HTR4: variants seen among roughly 807,000 people sequenced by gnomAD.
HTR4 encodes 5-hydroxytryptamine (serotonin) receptor 4, G protein-coupled.
In HTR4, 16 loss-of-function variants were observed where a neutral mutation model predicts 36.8. That is an observed-to-expected ratio of 0.43 (90% CI 0.29 to 0.66). HTR4 has a LOEUF of 0.66. Ranked by LOEUF, HTR4 falls within the 30% of genes least tolerant of loss-of-function variation. The probability of loss-of-function intolerance (pLI) is 0.13; values close to 1 mark genes in which losing one functional copy is unlikely to be tolerated. For missense variants in HTR4, 438 were observed against 490.9 expected (o/e 0.89, Z 1.02); for synonymous variants, 189 against 185.1 (o/e 1.02, Z -0.17).
At chr5:148,611,939 A>C (rs1462553493) in intron 2 of HTR4, among the ~76,000 whole-genome samples, 2 of 152,176 alleles carry the variant, frequency 1.3e-5, no homozygotes, top group Non-Finnish European at 2.9e-5. Flanking sequence ...GAAGGCCATT[A>C]CATAATGGTA....
chr5:148,502,993 G>A (rs931291570), intron 6 of HTR4, among the ~76,000 whole-genome samples: 1 of 152,182 alleles, frequency 6.6e-6, no homozygotes, highest in Non-Finnish European at 1.5e-5. Flanking sequence ...GGGACTATGG[G>A]AAAAGACCAA....
chr5:148,539,022 A>G (rs1183796578), intron 4 of HTR4, among the ~76,000 whole-genome samples: 1 of 152,202 alleles, frequency 6.6e-6, no homozygotes, highest in Non-Finnish European at 1.5e-5. Flanking sequence ...CTGGTATGAA[A>G]ACAGAAACAT....
chr5:148,569,224 G>A (rs1212912124), intron 2 of HTR4, among the ~76,000 whole-genome samples: 2 of 151,896 alleles, frequency 1.3e-5, no homozygotes, highest in African/African-American at 4.8e-5. Context: ...AGTACCTTTT[G>A]TTATATCTAA....
Position 148,513,665 on chromosome 5 carries a change from T to A in HTR4, c.508-3641A>T, listed in dbSNP as rs530427901. Among the ~76,000 whole-genome samples the A allele has an allele frequency of 2.0e-5, 3 of 152,324 alleles. No homozygotes were observed. In the South Asian group the frequency reaches 6.2e-4, roughly 32 times the overall value. Reference sequence around the variant, plus strand: ...ATTAATATCTCAATTTCTATAAAAATCTTCTAGGATTTTGATTGGAATGAG... The same window carrying A: ...ATTAATATCTCAATTTCTATAAAAAACTTCTAGGATTTTGATTGGAATGAG... On this transcript the variant is annotated intron_variant, in intron 5 of 6. Coordinates refer to ENST00000377888, the MANE Select transcript of HTR4 (RefSeq NM_000870.7).
intron 2 of HTR4, among the ~76,000 whole-genome samples, chr5:148,566,114 A>G (rs577848429): frequency 6.6e-5 from 10 of 152,318 alleles, no homozygotes; most frequent in African/African-American, 2.4e-4. Flanking sequence ...CTAAATGTCT[A>G]TATTTGGGTA....
intron 4 of HTR4, among the ~76,000 whole-genome samples, chr5:148,524,315 C>T (rs1284256526): frequency 6.6e-6 from 1 of 152,168 alleles, no homozygotes; most frequent in African/African-American, 2.4e-5. Context: ...CTGGGACAAA[C>T]CATTTAACTG....
At position 148,631,709 on chromosome 5, in the gene HTR4, T is replaced by C. The variant is rs185280920; in HGVS notation, c.26+5280A>G. On this transcript the variant is annotated intron_variant, in intron 2 of 6. Coordinates refer to ENST00000377888, the MANE Select transcript of HTR4 (RefSeq NM_000870.7). ...AAGATTGGAAAATTTCAATTCATTC[T>C]TGTAGTTACATTGATATCCAATACA... Among the ~76,000 whole-genome samples the C allele has an allele frequency of 2.4e-4, 36 of 152,288 alleles. No individual in the cohort carries two copies. In the South Asian group the frequency reaches 6.0e-3, roughly 25 times the overall value.
At chr5:148,589,307 A>G (rs1260635920) in intron 2 of HTR4, among the ~76,000 whole-genome samples, 1 of 152,226 alleles carries the variant, frequency 6.6e-6, no homozygotes, top group Non-Finnish European at 1.5e-5. Flanking sequence ...ATTGCTCTTC[A>G]AAATAATTAT....
At chr5:148,585,378 T>C (rs1761307425) in intron 2 of HTR4, among the ~76,000 whole-genome samples, 2 of 152,180 alleles carry the variant, frequency 1.3e-5, no homozygotes, top group Admixed American at 6.5e-5. Context: ...ATAAAACTAA[T>C]GAATATTCAT....
intron 4 of HTR4, among the ~76,000 whole-genome samples, chr5:148,545,094 TA>T (rs1759323161): frequency 6.6e-6 from 1 of 152,218 alleles, no homozygotes; most frequent in Non-Finnish European, 1.5e-5. Context: ...TCTTCCAGGC[TA>T]AAACATTGCC....
chr5:148,600,995 A>AAC (rs1761971635), intron 2 of HTR4, among the ~76,000 whole-genome samples: 2 of 147,574 alleles, frequency 1.4e-5, no homozygotes, highest in Non-Finnish European at 1.5e-5. Flanking sequence ...AAAAAAAAAA[A>AAC]AAAAAAAACA....
At chr5:148,530,532 T>G (rs1182423648) in intron 4 of HTR4, among the ~76,000 whole-genome samples, 3 of 152,074 alleles carry the variant, frequency 2.0e-5, no homozygotes, top group Non-Finnish European at 4.4e-5. Context: ...TTACAGAGGA[T>G]GTATGGAAAT....
chr5:148,503,977 G>C (rs931870149), intron 6 of HTR4, among the ~76,000 whole-genome samples: 2 of 152,052 alleles, frequency 1.3e-5, no homozygotes, highest in Non-Finnish European at 2.9e-5. Context: ...AATACAGGCG[G>C]ACCCAGATTC....
intron 1 of HTR4, among the ~76,000 whole-genome samples, chr5:148,643,120 A>G (rs910128749): frequency 1.3e-5 from 2 of 152,222 alleles, no homozygotes; most frequent in African/African-American, 4.8e-5. Context: ...CGCCAATTCC[A>G]TTATAATTGA....
intron 4 of HTR4, among the ~76,000 whole-genome samples, chr5:148,547,467 C>T (rs1407788015): frequency 1.3e-5 from 2 of 148,968 alleles, no homozygotes; most frequent in East Asian, 2.0e-4. Context: ...TGCAGTGAGC[C>T]GAGATTGCGG....
intron 4 of HTR4, among the ~76,000 whole-genome samples, chr5:148,540,166 A>T (rs1361695267): frequency 1.3e-5 from 2 of 151,834 alleles, no homozygotes; most frequent in African/African-American, 2.4e-5. Context: ...TGGGAGCTAA[A>T]TGACGAGAAC....
chr5:148,461,088 C>T lies in HTR4; in HGVS notation c.1077-9816G>A, dbSNP rs368618500. Among the ~76,000 whole-genome samples, 49 of 151,852 alleles carry T rather than the reference C, an allele frequency of 3.2e-4. 1 individual carries two copies. The East Asian group carries it at 6.2e-3, about 19-fold the overall frequency. On this transcript the variant is annotated intron_variant, in intron 5 of 5. Transcript: ENST00000521530. ...AGTTATTAAATATGTTTTCCCAACTCTAGGGCAACCACTAAAAAAAGTAAA... is the reference window on the plus strand; with the variant it reads ...AGTTATTAAATATGTTTTCCCAACTTTAGGGCAACCACTAAAAAAAGTAAA...
At chr5:148,538,688 A>G (rs1400299372) in intron 4 of HTR4, among the ~76,000 whole-genome samples, 1 of 152,170 alleles carries the variant, frequency 6.6e-6, no homozygotes, top group Admixed American at 6.5e-5. Flanking sequence ...GAGCTCTACA[A>G]TGAGAATTAC....
In HTR4 at chr5:148,569,594, T is replaced by C. The variant is rs540328573; in HGVS notation, c.27-19332A>G. 1.3e-4 allele frequency among the ~76,000 whole-genome samples: 19 copies of C among 151,656 alleles called. No homozygotes were observed. In the East Asian group the frequency reaches 3.7e-3, roughly 29 times the overall value. On this transcript the variant is annotated intron_variant, in intron 2 of 6. Coordinates refer to ENST00000377888, the MANE Select transcript of HTR4 (RefSeq NM_000870.7). ...TTTTATTGTATGTATATTATATTTA[T>C]CTTATTTATTATTTTATTGTACAGA...
Sources: allele counts gnomAD v4.1 joint callset (sites outside exome capture counted in the v4.1 genomes callset), GRCh38; gene constraint gnomAD v4.1.1; transcripts MANE v1.5; gene names NCBI Gene and HGNC (gene_info 2026-07-23, HGNC 2026-07-21).